ANO3: variants seen among roughly 807,000 people sequenced by gnomAD.
ANO3 encodes the protein anoctamin-3.
ANO3 carries 99 observed loss-of-function variants against 144.8 expected under a neutral mutation model. That is an observed-to-expected ratio of 0.68 (90% CI 0.58 to 0.81). ANO3 has a LOEUF of 0.81. Among genes scored for constraint, ANO3 ranks in the 30% least tolerant of loss-of-function variants. The probability of loss-of-function intolerance (pLI) is 0.00; values close to 1 mark genes in which losing one functional copy is unlikely to be tolerated. For missense variants in ANO3, 905 were observed against 1,202.2 expected, an observed-to-expected ratio of 0.75 and a Z score of 3.66; for synonymous variants, 414 against 392.6, an observed-to-expected ratio of 1.05 and a Z score of -0.64.
intron 6 of ANO3, among the ~76,000 whole-genome samples, chr11:26,524,021 GTGT>G: frequency 6.6e-6 from 1 of 152,190 alleles, no homozygotes; most frequent in East Asian, 1.9e-4. Flanking sequence ...TATTTAGTAA[GTGT>G]TTATGAAATG....
At chr11:26,483,262 G>T (rs1043764299) in intron 4 of ANO3, among the ~76,000 whole-genome samples, 1 of 151,724 alleles carries the variant, frequency 6.6e-6, no homozygotes, top group Non-Finnish European at 1.5e-5. Context: ...CTTAATATTA[G>T]TCATTATGAC....
intron 4 of ANO3, among the ~76,000 whole-genome samples, chr11:26,492,564 T>C (rs923449694): frequency 3.9e-5 from 6 of 152,180 alleles, no homozygotes; most frequent in African/African-American, 1.4e-4. Flanking sequence ...TATGTGTATA[T>C]AGTTCTCATC....
At chr11:26,262,039 T>C (rs748562172) in intron 1 of ANO3, among the ~76,000 whole-genome samples, 2 of 152,214 alleles carry the variant, frequency 1.3e-5, no homozygotes, top group Non-Finnish European at 2.9e-5. Context: ...TGATAGCAGG[T>C]GCTACTAATC....
chr11:26,245,016 T>TGCGC (rs560456542), intron 1 of ANO3, among the ~76,000 whole-genome samples: 1,562 of 105,070 alleles, frequency 0.015, 36 homozygotes, highest in African/African-American at 0.041. Context: ...TGTGTGTGTG[T>TGCGC]GTGTGCATGC....
intron 1 of ANO3, among the ~76,000 whole-genome samples, chr11:26,372,905 G>A (rs1464193583): frequency 6.6e-6 from 1 of 151,756 alleles, no homozygotes; most frequent in Admixed American, 6.6e-5. Context: ...CATGTTGTGT[G>A]GAAGTAAAAG....
intron 9 of ANO3, among the ~76,000 whole-genome samples, chr11:26,536,339 A>G (rs2703421): frequency 0.98 from 147,474 of 150,656 alleles, 72,261 homozygotes; most frequent in East Asian, 1. Flanking sequence ...AAAAAGAAAG[A>G]AACTGAAAAT....
chr11:26,289,345 T>A (rs755804752), intron 1 of ANO3, among the ~76,000 whole-genome samples: 62 of 151,630 alleles, frequency 4.1e-4, no homozygotes, highest in Admixed American at 1.8e-3. Flanking sequence ...ATAATACTCA[T>A]GGTGAACTTT....
At chr11:26,459,589 T>C (rs1286305552) in intron 3 of ANO3, among the ~76,000 whole-genome samples, 3 of 151,192 alleles carry the variant, frequency 2.0e-5, no homozygotes, top group Non-Finnish European at 4.4e-5. Context: ...TGGGAAAAAA[T>C]GTACACACAC....
intron 24 of ANO3, among the ~76,000 whole-genome samples, chr11:26,653,006 G>A (rs796378665): frequency 6.6e-6 from 1 of 152,328 alleles, no homozygotes; most frequent in African/African-American, 2.4e-5. Flanking sequence ...GCCAAGTCAT[G>A]TCTGCTAGTT....
chr11:26,451,066 T>C lies in ANO3; in HGVS notation c.313+7230T>C, dbSNP rs144477566. Among the ~76,000 whole-genome samples, 628 of 152,262 alleles carry C rather than the reference T, an allele frequency of 4.1e-3. 4 individuals carry two copies. The highest frequency in any genetic ancestry group is 5.5e-3 in the Non-Finnish European group (375 of 68,008). The stretch of plus-strand genomic sequence containing the variant: ...CAGCATAAGTTTTCAACATAAAGCA[T>C]ACAATTGATGATTAGAAAACAGACT... On this transcript the variant is annotated intron_variant, in intron 3 of 26. Coordinates refer to ENST00000256737, the MANE Select transcript of ANO3 (RefSeq NM_031418.4).
chr11:26,540,366 T>C (rs1849613097), intron 10 of ANO3, among the ~76,000 whole-genome samples: 1 of 152,090 alleles, frequency 6.6e-6, no homozygotes, highest in Non-Finnish European at 1.5e-5. Context: ...GAAAAGTCCT[T>C]CGATAAAATT....
chr11:26,617,534 C>T (rs1852295326), intron 17 of ANO3, among the ~76,000 whole-genome samples: 1 of 152,202 alleles, frequency 6.6e-6, no homozygotes, highest in Non-Finnish European at 1.5e-5. Flanking sequence ...CATGTATCTT[C>T]TTAGTGCTAT....
intron 1 of ANO3, chr11:26,189,348 T>A (rs1851432561): frequency 1.0e-6 from 1 of 983,172 alleles, no homozygotes; most frequent in Non-Finnish European, 1.2e-6. Context: ...AACCTTTAGA[T>A]TGATATGTAT....
intron 14 of ANO3, among the ~76,000 whole-genome samples, chr11:26,573,658 C>A (rs1388853326): frequency 2.6e-5 from 4 of 152,108 alleles, no homozygotes; most frequent in Non-Finnish European, 5.9e-5. Flanking sequence ...CTATAGCTCT[C>A]CGTTTTCACT....
intron 1 of ANO3, among the ~76,000 whole-genome samples, chr11:26,291,812 C>T (rs1396900584): frequency 6.6e-6 from 1 of 152,170 alleles, no homozygotes; most frequent in Non-Finnish European, 1.5e-5. Flanking sequence ...TTGTGGGTAA[C>T]TCGACCTTTC....
intron 14 of ANO3, among the ~76,000 whole-genome samples, chr11:26,569,682 A>G (rs762804040): frequency 3.9e-5 from 6 of 152,036 alleles, no homozygotes; most frequent in Admixed American, 6.6e-5. Context: ...TGAAATCTAT[A>G]TATGTTTTAC....
At chr11:26,332,443 T>C (rs1388683711) in intron 1 of ANO3, 122 bp downstream of exon 1, 2 of 709,436 alleles carry the variant, frequency 2.8e-6, no homozygotes, top group Non-Finnish European at 4.3e-6. Flanking sequence ...CTCTGTGAAG[T>C]TAAAAAAAAA....
chr11:26,206,560 T>G (rs1228980280), intron 1 of ANO3, among the ~76,000 whole-genome samples: 1 of 152,144 alleles, frequency 6.6e-6, no homozygotes, highest in Non-Finnish European at 1.5e-5. Flanking sequence ...TAATTATTAC[T>G]TCACAAATGA....
At chr11:26,254,644 T>C (rs1373356674) in intron 1 of ANO3, among the ~76,000 whole-genome samples, 2 of 152,190 alleles carry the variant, frequency 1.3e-5, no homozygotes, top group Non-Finnish European at 2.9e-5. Flanking sequence ...GTTTACCCTT[T>C]AAATATCAAC....
Sources: gnomAD v4.1 joint callset for allele counts (sites outside exome capture counted in the v4.1 genomes callset) on GRCh38, gnomAD v4.1.1 for gene constraint, MANE v1.5 for transcripts, NCBI Gene and HGNC (gene_info 2026-07-23, HGNC 2026-07-21) for gene names.